The following CCDC88A variants were observed in gnomAD, a reference collection of about 807,000 sequenced individuals.
CCDC88A encodes girdin.
A neutral mutation model predicts 234.3 loss-of-function variants in CCDC88A; 54 were observed. The observed-to-expected ratio is 0.23, with a 90% CI of 0.19 to 0.29. CCDC88A has a LOEUF of 0.29. Ranked by LOEUF, CCDC88A falls within the 10% of genes least tolerant of loss-of-function variation. The probability of loss-of-function intolerance (pLI) is 1.00; values close to 1 mark genes in which losing one functional copy is unlikely to be tolerated. For synonymous variants in CCDC88A, 753 were observed against 737.8 expected, an observed-to-expected ratio of 1.02 and a Z score of -0.33; for missense variants, 1,832 against 2,123.4, an observed-to-expected ratio of 0.86 and a Z score of 2.70.
At chr2:55,409,697 G>C (rs956320435) in intron 2 of CCDC88A, among the ~76,000 whole-genome samples, 9 of 146,694 alleles carry the variant, frequency 6.1e-5, no homozygotes, top group Admixed American at 4.1e-4. Flanking sequence ...TCCACTGGGA[G>C]AGGAGTCCAT....
intron 31 of CCDC88A, 44 bp from the exon 32 acceptor site, chr2:55,291,819 C>A: frequency 1.4e-6 from 2 of 1,450,056 alleles, no homozygotes; most frequent in Non-Finnish European, 1.9e-6. Flanking sequence ...AAAGATGAAA[C>A]AAAATACAAT....
chr2:55,376,278 C>T (rs1306018696), intron 3 of CCDC88A, among the ~76,000 whole-genome samples: 2 of 152,264 alleles, frequency 1.3e-5, no homozygotes, highest in South Asian at 4.1e-4. Flanking sequence ...ATAACTATGA[C>T]AGATTCTTCA....
intron 2 of CCDC88A, among the ~76,000 whole-genome samples, chr2:55,401,447 A>AAT (rs1553436255): frequency 0.016 from 430 of 27,156 alleles, 85 homozygotes; most frequent in African/African-American, 0.023. Context: ...AAAAAAAAAA[A>AAT]ATATATATAT....
chr2:55,366,213 T>A (rs1671923642), intron 5 of CCDC88A, among the ~76,000 whole-genome samples: 1 of 152,158 alleles, frequency 6.6e-6, no homozygotes, highest in Non-Finnish European at 1.5e-5. Context: ...AGCCAGTAGA[T>A]TACCATGATA....
intron 17 of CCDC88A, among the ~76,000 whole-genome samples, chr2:55,324,485 C>G (rs759063003): frequency 9.2e-5 from 14 of 152,062 alleles, no homozygotes; most frequent in Non-Finnish European, 1.9e-4. Flanking sequence ...GTGTGTGTTT[C>G]TGAGTATATT....
intron 13 of CCDC88A, chr2:55,337,642 C>T (rs1667964049): frequency 6.6e-6 from 1 of 152,018 alleles, no homozygotes; most frequent in African/African-American, 2.4e-5. Flanking sequence ...GCCTGGGCAA[C>T]ACAGTGAAAC....
chr2:55,386,215 T>G (rs895667429), intron 3 of CCDC88A, among the ~76,000 whole-genome samples: 2 of 42,176 alleles, frequency 4.7e-5, no homozygotes, highest in Non-Finnish European at 9.2e-5. Flanking sequence ...AGAGCAAAAC[T>G]CCGTCTCAAA....
intron 2 of CCDC88A, 102 bp downstream of exon 2, chr2:55,418,714 T>C (rs1681865743): frequency 1.2e-6 from 1 of 832,926 alleles, no homozygotes; most frequent in Non-Finnish European, 2.0e-6. Flanking sequence ...TGAATATTTC[T>C]GGCCAATGAA....
At chr2:55,359,643 A>T (rs1671032001) in intron 7 of CCDC88A, among the ~76,000 whole-genome samples, 1 of 150,152 alleles carries the variant, frequency 6.7e-6, no homozygotes, top group African/African-American at 2.5e-5. Context: ...GAATATATAT[A>T]AAAAATGATA....
At chr2:55,403,832 T>C (rs1679124045) in intron 2 of CCDC88A, 1 of 152,238 alleles carries the variant, frequency 6.6e-6, no homozygotes, top group Non-Finnish European at 1.5e-5. Flanking sequence ...GATTGTTTAA[T>C]AGATTCAATG....
rs76353706 is a variant in CCDC88A, at chr2:55,383,236, C to A, written c.273+5542G>T. Among the ~76,000 whole-genome samples the A allele has an allele frequency of 2.2e-3, 332 of 152,210 alleles. 2 individuals are homozygous for A. The highest frequency in any genetic ancestry group is 7.8e-3 in the African/African-American group (324 of 41,532). On this transcript the variant is annotated intron_variant, in intron 3 of 32. Coordinates refer to ENST00000436346, the MANE Select transcript of CCDC88A (RefSeq NM_001365480.1). ...ACAAGATGACCTTGATGCTTACCAA[C>A]CTATCAAAAAAATTTTTTGGGAAAC...
At chr2:55,294,238 TAACTGATTTCAAGTATAGA>T in intron 31 of CCDC88A, 1 of 921,552 alleles carries the variant, frequency 1.1e-6, no homozygotes, top group Non-Finnish European at 1.3e-6. Flanking sequence ...ACTATTGTAT[TAACTGATTTCAAGTATAGA>T]AGCCATCTTG....
rs764514069 is a variant in CCDC88A, at chr2:55,332,517, A to G, written c.2855+49T>C. On this transcript the variant is annotated intron_variant, in intron 16 of 32. Transcript: ENST00000436346. The surrounding 1 kb of genome is among the most constrained non-coding windows in gnomAD (Gnocchi z 4.5). ...TACAGAAAGAATTCATGTATGAGCAAAAAAAAAAAAAAATTTTCAACTGTT... is the reference window on the plus strand; with the variant it reads ...TACAGAAAGAATTCATGTATGAGCAGAAAAAAAAAAAAATTTTCAACTGTT... 2 of 872,016 alleles carry G rather than the reference A, an allele frequency of 2.3e-6. No individual in the cohort carries two copies. Among genetic ancestry groups the G allele is most frequent in the African/African-American group, 4.3e-5 (2 of 46,860 alleles). 54.0% of individuals were successfully genotyped at this position (872,016 alleles called of 1,614,324 possible).
At chr2:55,362,514 T>C in intron 6 of CCDC88A, 66 bp from the exon 7 acceptor site, 2 of 1,358,838 alleles carry the variant, frequency 1.5e-6, no homozygotes, top group South Asian at 1.4e-5. Flanking sequence ...TATTTCACTA[T>C]AGTACAATAT....
intron 3 of CCDC88A, among the ~76,000 whole-genome samples, chr2:55,377,770 T>C (rs1673923319): frequency 6.6e-6 from 1 of 152,038 alleles, no homozygotes; most frequent in African/African-American, 2.4e-5. Context: ...CCACCATGCC[T>C]GGCTAATTTT....
intron 3 of CCDC88A, 86 bp from the exon 4 acceptor site, chr2:55,374,969 C>T: frequency 1.2e-6 from 1 of 803,320 alleles, no homozygotes; most frequent in South Asian, 1.8e-5. Context: ...TTTGTACATT[C>T]TTCTGTAGGT....
Position 55,335,264 on chromosome 2 carries a change from G to A in CCDC88A, c.1657-100C>T. ...CCAAGAAAAGGGGAACAAAAAAAGG[G>A]TGCTAGAACATGTCTTACTTTTAAT... On this transcript the variant is annotated intron_variant, in intron 14 of 32. Coordinates refer to ENST00000436346, the MANE Select transcript of CCDC88A (RefSeq NM_001365480.1). This position sits in a 1 kb window ranked among gnomAD's most constrained non-coding sequence, Gnocchi z 4.5. 3 of 690,666 alleles carry A rather than the reference G, an allele frequency of 4.3e-6. No homozygotes were observed. Among genetic ancestry groups the A allele is most frequent in the African/African-American group, 3.7e-5 (2 of 54,624 alleles). 42.8% of individuals were successfully genotyped at this position (690,666 alleles called of 1,614,324 possible).
At position 55,316,022 on chromosome 2, in the gene CCDC88A, A is replaced by C. The variant is rs1355933838; in HGVS notation, c.3839T>G (p.Leu1280Arg). The C allele has an allele frequency of 1.9e-5, 30 of 1,589,910 alleles. No homozygotes were observed. The highest frequency in any genetic ancestry group is 2.5e-5 in the Non-Finnish European group (29 of 1,166,252). ...NLKSLLNNSK[L>R]EQTRLEAEFS... ...TTCAGCTTCTAATCTTGTTTGTTCC[A>C]GTTTGGAATTATTCAGAAGACTTTT... Residue 1280 changes from leucine to arginine, a missense_variant, in exon 22 of 33, where the codon CTG becomes CGG. Coordinates refer to ENST00000436346, the MANE Select transcript of CCDC88A (RefSeq NM_001365480.1).
rs984478384 is a variant in CCDC88A, at chr2:55,328,142, C to G, written c.2997+152G>C. On this transcript the variant is annotated intron_variant, in intron 17 of 32. Transcript: ENST00000436346. This position sits in a 1 kb window ranked among gnomAD's most constrained non-coding sequence, Gnocchi z 4.3. Reference sequence around the variant, plus strand: ...TATACCATATTCATATGACAGAGATCTGTTTAAGAATATTCTCAAGTTTAT... The same window carrying G: ...TATACCATATTCATATGACAGAGATGTGTTTAAGAATATTCTCAAGTTTAT... 3.2e-6 allele frequency: 2 copies of G among 624,248 alleles called. No individual in the cohort carries two copies. Among genetic ancestry groups the G allele is most frequent in the Admixed American group, 3.4e-5 (1 of 29,478 alleles). 38.7% of individuals were successfully genotyped at this position (624,248 alleles called of 1,614,324 possible).
Sources: allele counts gnomAD v4.1 joint callset (sites outside exome capture counted in the v4.1 genomes callset), GRCh38; gene constraint gnomAD v4.1.1; non-coding constraint Gnocchi (gnomAD v3.1); transcripts MANE v1.5; gene names NCBI Gene and HGNC (gene_info 2026-07-23, HGNC 2026-07-21).